RIMS2: variants seen among roughly 807,000 people sequenced by gnomAD.
RIMS2 encodes the protein regulating synaptic membrane exocytosis 2.
In RIMS2, 59 loss-of-function variants were observed where a neutral mutation model predicts 174.4. The ratio of observed to expected loss-of-function variants is 0.34; its 90% CI spans 0.27 to 0.42. The LOEUF (loss-of-function observed/expected upper bound fraction) is 0.42. RIMS2 is among the 10% of genes least tolerant of loss of function. The pLI is 1.00. For synonymous variants in RIMS2, 606 were observed against 572.5 expected (o/e 1.06, Z -0.84); for missense variants, 1,620 against 1,666.3 (o/e 0.97, Z 0.48).
chr8:104,241,513 A>T (rs2099295347), intron 19 of RIMS2, among the ~76,000 whole-genome samples: 1 of 152,148 alleles, frequency 6.6e-6, no homozygotes, highest in Non-Finnish European at 1.5e-5. Context: ...TAAATTAAAA[A>T]CTTTAGATCT....
chr8:103,988,365 C>G (rs2094490346), intron 16 of RIMS2, among the ~76,000 whole-genome samples: 2 of 152,170 alleles, frequency 1.3e-5, no homozygotes, highest in Non-Finnish European at 2.9e-5. Context: ...TATCTTTCAT[C>G]CTACAATATG....
chr8:103,820,139 G>A (rs2098742847), intron 3 of RIMS2, among the ~76,000 whole-genome samples: 1 of 152,028 alleles, frequency 6.6e-6, no homozygotes, highest in South Asian at 2.1e-4. Context: ...TTTGCATTAG[G>A]TCAGCTAATT....
intron 3 of RIMS2, among the ~76,000 whole-genome samples, chr8:103,797,889 T>A: frequency 6.6e-6 from 1 of 152,148 alleles, no homozygotes; most frequent in East Asian, 1.9e-4. Context: ...TATGTTATAT[T>A]GGCATAATTA....
exon 9 of RIMS2, chr8:103,918,477 A>G (rs752504604): frequency 2.5e-6 from 4 of 1,606,258 alleles, no homozygotes; most frequent in Non-Finnish European, 3.4e-6. Context: ...CACATGCACA[A>G]CTGGAGTCCA....
chr8:104,063,740 A>C (rs2097050547), intron 19 of RIMS2, among the ~76,000 whole-genome samples: 1 of 152,182 alleles, frequency 6.6e-6, no homozygotes, highest in Non-Finnish European at 1.5e-5. Flanking sequence ...TGGATGACTG[A>C]GTCAACAATA....
intron 2 of RIMS2, among the ~76,000 whole-genome samples, chr8:103,758,446 CTA>C (rs1564532321): frequency 1.3e-5 from 2 of 152,180 alleles, no homozygotes; most frequent in Non-Finnish European, 2.9e-5. Flanking sequence ...TTGCCCAAGC[CTA>C]CAGCTTCTAG....
chr8:103,674,317 A>G (rs534932206), intron 1 of RIMS2, among the ~76,000 whole-genome samples: 10 of 152,292 alleles, frequency 6.6e-5, no homozygotes, highest in African/African-American at 1.4e-4. Context: ...ATTTTCAGGT[A>G]TCTTTATAGC....
At chr8:103,564,028 G>C (rs1011214010) in intron 1 of RIMS2, among the ~76,000 whole-genome samples, 2 of 152,158 alleles carry the variant, frequency 1.3e-5, no homozygotes, top group African/African-American at 4.8e-5. Context: ...AGATTTGGGT[G>C]GGGATGCAAT....
intron 4 of RIMS2, among the ~76,000 whole-genome samples, chr8:103,888,197 A>G (rs556055064): frequency 6.6e-6 from 1 of 151,682 alleles, no homozygotes; most frequent in East Asian, 1.9e-4. Context: ...CAACAATCCA[A>G]GTGGGGAGAG....
At chr8:103,888,671 A>G (rs1347850244) in intron 4 of RIMS2, among the ~76,000 whole-genome samples, 1 of 151,592 alleles carries the variant, frequency 6.6e-6, no homozygotes, top group Non-Finnish European at 1.5e-5. Flanking sequence ...TTATTTTAGT[A>G]TTCTGAAGTA....
intron 2 of RIMS2, among the ~76,000 whole-genome samples, chr8:103,717,966 CAT>C (rs2097395029): frequency 6.6e-6 from 1 of 152,126 alleles, no homozygotes; most frequent in Non-Finnish European, 1.5e-5. Context: ...TAAATAACCA[CAT>C]GTGGCTAATG....
chr8:103,887,104 T>C (rs1373329225), intron 4 of RIMS2, among the ~76,000 whole-genome samples: 1 of 151,800 alleles, frequency 6.6e-6, no homozygotes, highest in Non-Finnish European at 1.5e-5. Flanking sequence ...CACCAAATCT[T>C]TGCCAATTGA....
chr8:103,905,605 G>A (rs2074205687), intron 4 of RIMS2, among the ~76,000 whole-genome samples: 1 of 149,748 alleles, frequency 6.7e-6, no homozygotes, highest in Admixed American at 6.6e-5. Context: ...TTTTCAATCT[G>A]TAGGCTTATA....
At chr8:104,025,539 G>A (rs78118988) in intron 19 of RIMS2, among the ~76,000 whole-genome samples, 4,147 of 152,066 alleles carry the variant, frequency 0.027, 194 homozygotes, top group African/African-American at 0.094. Context: ...GAAGTGAAAC[G>A]ATACTTGTTG....
At chr8:103,919,886 A>G (rs187379596) in intron 9 of RIMS2, among the ~76,000 whole-genome samples, 1 of 152,056 alleles carries the variant, frequency 6.6e-6, no homozygotes, top group South Asian at 2.1e-4. Context: ...TATAATTATT[A>G]TAAAATGATA....
At chr8:103,910,584 C>T in intron 5 of RIMS2, 55 bp downstream of exon 8, 2 of 1,000,322 alleles carry the variant, frequency 2.0e-6, no homozygotes, top group Admixed American at 3.9e-5. Context: ...TTCGTTTGCT[C>T]TCTGTCACTC....
chr8:103,510,721 G>A (rs1826058081), intron 1 of RIMS2, among the ~76,000 whole-genome samples: 1 of 152,006 alleles, frequency 6.6e-6, no homozygotes, highest in African/African-American at 2.4e-5. Flanking sequence ...CCCACGACTA[G>A]GAAAGATTTT....
rs2076631563 is a variant in RIMS2 at position 103,916,356 on chromosome 8, T to A, written c.1913-58T>A. On this transcript the variant is annotated intron_variant, in intron 7 of 23. Coordinates refer to ENST00000504942, the Ensembl canonical transcript of RIMS2. ...TATTGAAGTTTAAGATGCTCTTAAG[T>A]GTAATTTGTCAGATCAAATTTTCTG... 2.4e-6 allele frequency: 3 copies of A among 1,272,364 alleles called. No individual in the cohort carries two copies. In the East Asian group the frequency reaches 7.0e-5, roughly 30 times the overall value. The allele number at this position is 1,272,364 out of a possible 1,614,324, so 78.8% of individuals were successfully genotyped here. A position where few individuals can be genotyped will look rare whatever the true frequency, so the allele number is the denominator to read the frequency against.
intron 1 of RIMS2, among the ~76,000 whole-genome samples, chr8:103,540,636 A>G (rs763445945): frequency 3.3e-5 from 5 of 152,204 alleles, no homozygotes; most frequent in Admixed American, 6.5e-5. Context: ...CACCAAAAGA[A>G]CATACTAATT....
Sources: allele counts gnomAD v4.1 joint callset (sites outside exome capture counted in the v4.1 genomes callset), GRCh38; gene constraint gnomAD v4.1.1; transcripts MANE v1.5; gene names NCBI Gene and HGNC (gene_info 2026-07-23, HGNC 2026-07-21).